Variants in L3MBTL4 observed in about 807,000 individuals in gnomAD.
L3MBTL4 encodes L3MBTL histone methyl-lysine binding protein 4.
In L3MBTL4, 70 loss-of-function variants were observed where a neutral mutation model predicts 84.5. That is an observed-to-expected ratio of 0.83 (90% CI 0.68 to 1.01). The LOEUF (loss-of-function observed/expected upper bound fraction) is 1.01. L3MBTL4 is among the 50% of genes least tolerant of loss of function. The probability of loss-of-function intolerance (pLI) is 0.00; values close to 1 mark genes in which losing one functional copy is unlikely to be tolerated. For synonymous variants in L3MBTL4, 274 were observed against 259.8 expected, an observed-to-expected ratio of 1.05 and a Z score of -0.52; for missense variants, 715 against 754.8, an observed-to-expected ratio of 0.95 and a Z score of 0.62.
At chr18:6,001,265 A>T (rs1468476076) in intron 16 of L3MBTL4, among the ~76,000 whole-genome samples, 2 of 152,236 alleles carry the variant, frequency 1.3e-5, no homozygotes, top group East Asian at 1.9e-4. Flanking sequence ...CCTTAAAAAA[A>T]TTTCCGTCCA....
At chr18:6,327,310 A>G (rs1305603793) in intron 1 of L3MBTL4, among the ~76,000 whole-genome samples, 7 of 152,220 alleles carry the variant, frequency 4.6e-5, no homozygotes, top group African/African-American at 1.7e-4. Flanking sequence ...TGCAAAAGGT[A>G]CAATGTTTAT....
At chr18:6,153,735 A>G (rs2042986985) in intron 13 of L3MBTL4, among the ~76,000 whole-genome samples, 2 of 152,044 alleles carry the variant, frequency 1.3e-5, no homozygotes, top group Non-Finnish European at 1.5e-5. Flanking sequence ...CATGATAGTG[A>G]GTGAGTTCTC....
chr18:6,038,249 A>ATT (rs1466729036), intron 16 of L3MBTL4, among the ~76,000 whole-genome samples: 1 of 88,524 alleles, frequency 1.1e-5, no homozygotes. Flanking sequence ...CCATTTCTGG[A>ATT]TCTTTTTTTT....
At chr18:6,050,830 G>A (rs1396559494) in intron 16 of L3MBTL4, among the ~76,000 whole-genome samples, 2 of 152,186 alleles carry the variant, frequency 1.3e-5, no homozygotes, top group Non-Finnish European at 2.9e-5. Flanking sequence ...AATAGAATAA[G>A]AAGCAAATTT....
intron 1 of L3MBTL4, among the ~76,000 whole-genome samples, chr18:6,354,211 G>T (rs1351839410): frequency 2.0e-5 from 3 of 152,100 alleles, no homozygotes; most frequent in Non-Finnish European, 4.4e-5. Flanking sequence ...AAATGGTGTT[G>T]GGAAAAGTGG....
intron 1 of L3MBTL4, among the ~76,000 whole-genome samples, chr18:6,406,954 G>C (rs909855294): frequency 2.6e-5 from 4 of 152,180 alleles, no homozygotes; most frequent in African/African-American, 9.7e-5. Flanking sequence ...TAAATGCAAT[G>C]TAAAGCTTTC....
intron 1 of L3MBTL4, among the ~76,000 whole-genome samples, chr18:6,364,376 G>A (rs1256007138): frequency 6.6e-6 from 1 of 151,096 alleles, no homozygotes; most frequent in African/African-American, 2.4e-5. Context: ...TGATATATAA[G>A]ACATGCATAA....
intron 16 of L3MBTL4, among the ~76,000 whole-genome samples, chr18:5,970,404 G>A (rs1266079020): frequency 6.6e-6 from 1 of 151,834 alleles, no homozygotes; most frequent in East Asian, 2.0e-4. Flanking sequence ...CTTCTGTGCT[G>A]GTTTCCTGTC....
At chr18:6,379,452 T>A (rs930826597) in intron 1 of L3MBTL4, among the ~76,000 whole-genome samples, 1 of 152,200 alleles carries the variant, frequency 6.6e-6, no homozygotes, top group Non-Finnish European at 1.5e-5. Flanking sequence ...TGGCTGTGGG[T>A]TTGTCATACA....
At chr18:6,040,390 A>C (rs2056347339) in intron 16 of L3MBTL4, among the ~76,000 whole-genome samples, 1 of 152,160 alleles carries the variant, frequency 6.6e-6, no homozygotes, top group Non-Finnish European at 1.5e-5. Flanking sequence ...GGATGCTGCT[A>C]TATATCCTGT....
At chr18:6,377,663 T>C (rs2054424599) in intron 1 of L3MBTL4, among the ~76,000 whole-genome samples, 1 of 152,214 alleles carries the variant, frequency 6.6e-6, no homozygotes, top group Non-Finnish European at 1.5e-5. Context: ...CATCCTTTTT[T>C]ATGGCTGCAT....
At chr18:6,221,717 G>C (rs574730065) in intron 10 of L3MBTL4, among the ~76,000 whole-genome samples, 1 of 152,170 alleles carries the variant, frequency 6.6e-6, no homozygotes, top group African/African-American at 2.4e-5. Flanking sequence ...GTACCAGTGC[G>C]GCCCTGGCTA....
rs193229800 is a variant in L3MBTL4 at position 6,045,713 on chromosome 18, G to A, written c.1444+35168C>T. 3.4e-3 allele frequency among the ~76,000 whole-genome samples: 516 copies of A among 152,198 alleles called. 2 individuals are homozygous for A. The highest frequency in any genetic ancestry group is 0.012 in the African/African-American group (502 of 41,522). On this transcript the variant is annotated intron_variant, in intron 16 of 18. Transcript: ENST00000317931. ...GGAATTCAAGATGAGATTTGGGTAA[G>A]GACACAGCCAAACTACATCAGAAGC...
intron 16 of L3MBTL4, among the ~76,000 whole-genome samples, chr18:6,040,610 T>G (rs999613904): frequency 1.3e-5 from 2 of 152,156 alleles, no homozygotes; most frequent in South Asian, 2.1e-4. Context: ...GACAAGTACA[T>G]AAACCTAAAT....
At chr18:6,346,676 A>G (rs1015604308) in intron 1 of L3MBTL4, among the ~76,000 whole-genome samples, 6 of 152,072 alleles carry the variant, frequency 3.9e-5, no homozygotes, top group Admixed American at 3.3e-4. Context: ...TGGCTACTAC[A>G]TAATTTAGAA....
intron 16 of L3MBTL4, among the ~76,000 whole-genome samples, chr18:5,986,719 C>A (rs1338022205): frequency 6.6e-6 from 1 of 152,210 alleles, no homozygotes; most frequent in Non-Finnish European, 1.5e-5. Flanking sequence ...TGCCAGTGAG[C>A]CTGTGCCTTC....
At chr18:6,045,004 T>G (rs1287394329) in intron 16 of L3MBTL4, among the ~76,000 whole-genome samples, 1 of 152,244 alleles carries the variant, frequency 6.6e-6, no homozygotes, top group Non-Finnish European at 1.5e-5. Flanking sequence ...ACCACCACTA[T>G]AGCTCATAAG....
chr18:6,189,388 C>T (rs937372723), intron 12 of L3MBTL4, among the ~76,000 whole-genome samples: 6 of 152,202 alleles, frequency 3.9e-5, no homozygotes, highest in African/African-American at 9.7e-5. Context: ...GACCACCATG[C>T]AACCCACTAT....
intron 1 of L3MBTL4, among the ~76,000 whole-genome samples, chr18:6,360,255 C>A (rs1183059192): frequency 6.6e-6 from 1 of 152,090 alleles, no homozygotes; most frequent in East Asian, 1.9e-4. Flanking sequence ...ACTGTAGTCC[C>A]AGCTACTCAG....
Sources: gnomAD v4.1 joint callset for allele counts (sites outside exome capture counted in the v4.1 genomes callset) on GRCh38, gnomAD v4.1.1 for gene constraint, MANE v1.5 for transcripts, NCBI Gene and HGNC (gene_info 2026-07-23, HGNC 2026-07-21) for gene names.